Variants in ICE2 observed in about 807,000 individuals in gnomAD.
ICE2 encodes the protein little elongation complex subunit 2.
ICE2 carries 87 observed loss-of-function variants against 105.4 expected under a neutral mutation model. The observed-to-expected ratio is 0.83, with a 90% CI of 0.69 to 0.99. ICE2 has a LOEUF of 0.99. ICE2 is among the 50% of genes least tolerant of loss of function. The pLI is 0.00. For synonymous variants in ICE2, 399 were observed against 392.0 expected, an observed-to-expected ratio of 1.02 and a Z score of -0.21; for missense variants, 1,323 against 1,146.7, an observed-to-expected ratio of 1.15 and a Z score of -2.22.
intron 5 of ICE2, among the ~76,000 whole-genome samples, chr15:60,459,577 G>T (rs17191421): frequency 0.25 from 37,386 of 151,994 alleles, 4,938 homozygotes; most frequent in Middle Eastern, 0.45. Flanking sequence ...GAGAAGAAAC[G>T]GTGGGCCAAA....
At chr15:60,431,809 C>A in intron 14 of ICE2, 125 bp downstream of exon 14, 2 of 529,704 alleles carry the variant, frequency 3.8e-6, no homozygotes, top group South Asian at 2.2e-5. Context: ...TTACATTTGA[C>A]ATAATAATTT....
intron 1 of ICE2, chr15:60,478,696 AC>A (rs1460333241): frequency 3.0e-6 from 1 of 338,534 alleles, no homozygotes; most frequent in East Asian, 8.7e-5. Context: ...TCGACACCGA[AC>A]GGGCCCGACC....
intron 5 of ICE2, among the ~76,000 whole-genome samples, chr15:60,463,420 G>A (rs2064334118): frequency 6.6e-6 from 1 of 152,054 alleles, no homozygotes; most frequent in Admixed American, 6.6e-5. Flanking sequence ...GAATCAAAAA[G>A]CACAATACTG....
chr15:60,448,812 T>C, intron 10 of ICE2, 36 bp downstream of exon 10: 3 of 1,525,114 alleles, frequency 2.0e-6, no homozygotes, highest in Non-Finnish European at 1.8e-6. Flanking sequence ...AAAGAACAAG[T>C]AAAACACTGT....
intron 15 of ICE2, 36 bp from the exon 16 acceptor site, chr15:60,423,798 T>C: frequency 6.6e-7 from 1 of 1,525,610 alleles, no homozygotes; most frequent in South Asian, 1.3e-5. Context: ...TAGCTTAATG[T>C]ATCTACAACA....
chr15:60,479,060 C>G lies in ICE2; in HGVS notation c.-150G>C, dbSNP rs2064859586. ...CAGCCACACACCACACACGCTCCAC[C>G]CCACTCCTCACATTGTCGCGCGCGC... is the stretch of plus-strand genomic sequence containing the variant. On this transcript the variant is annotated 5_prime_UTR_variant, in exon 1 of 16. Transcript: ENST00000261520. The G allele has an allele frequency of 2.2e-6, 1 of 454,610 alleles. No homozygotes were observed. Among genetic ancestry groups the G allele is most frequent in the Non-Finnish European group, 4.4e-6 (1 of 225,836 alleles). The allele number at this position is 454,610 out of a possible 1,614,324, so 28.2% of individuals were successfully genotyped here. A position where few individuals can be genotyped will look rare whatever the true frequency, so the allele number is the denominator to read the frequency against.
chr15:60,470,563 A>G (rs966292414), intron 3 of ICE2, among the ~76,000 whole-genome samples: 2 of 152,168 alleles, frequency 1.3e-5, no homozygotes, highest in Admixed American at 6.5e-5. Context: ...CCAGGTACAA[A>G]TAAGTCTAGT....
intron 11 of ICE2, among the ~76,000 whole-genome samples, chr15:60,446,117 CCAAA>C (rs1308803831): frequency 1.3e-5 from 2 of 152,020 alleles, no homozygotes; most frequent in Non-Finnish European, 2.9e-5. Context: ...AGCACTAAAA[CCAAA>C]CAGTTTTCAA....
chr15:60,432,371 G>A (rs2063481662), intron 13 of ICE2, among the ~76,000 whole-genome samples: 1 of 151,342 alleles, frequency 6.6e-6, no homozygotes. Flanking sequence ...TGTATTTTTG[G>A]TAGAGACAGG....
At chr15:60,477,883 C>T (rs2064810042) in intron 2 of ICE2, 54 bp downstream of exon 2, 1 of 1,421,306 alleles carries the variant, frequency 7.0e-7, no homozygotes, top group Non-Finnish European at 1.0e-6. Context: ...CTTATGTCAA[C>T]CATCAGCCCC....
rs1426093191 is a variant in ICE2, at chr15:60,422,085, A to G, written c.*1549T>C. The G allele has an allele frequency of 6.6e-6, 1 of 151,908 alleles. No individual in the cohort carries two copies. The highest frequency in any genetic ancestry group is 1.5e-5 in the Non-Finnish European group (1 of 67,994). The allele number at this position is 151,908 out of a possible 1,614,324, so 9.4% of individuals were successfully genotyped here. A position where few individuals can be genotyped will look rare whatever the true frequency, so the allele number is the denominator to read the frequency against. Reference sequence around the variant, plus strand: ...TTATATTTTACAAATGACATACATAATTTCTGAAAATTTTAGTGTAAGGGT... The same window carrying G: ...TTATATTTTACAAATGACATACATAGTTTCTGAAAATTTTAGTGTAAGGGT... On this transcript the variant is annotated 3_prime_UTR_variant, in exon 16 of 16. Transcript: ENST00000261520.
chr15:60,446,429 T>G (rs188906469), intron 11 of ICE2, among the ~76,000 whole-genome samples: 6 of 152,122 alleles, frequency 3.9e-5, no homozygotes, highest in African/African-American at 7.2e-5. Flanking sequence ...AGAGTCTCAC[T>G]CTGTTGCCCA....
intron 1 of ICE2, among the ~76,000 whole-genome samples, chr15:60,478,396 T>G (rs1428714867): frequency 6.6e-6 from 1 of 152,220 alleles, no homozygotes. Flanking sequence ...ATTCCCTTAC[T>G]GCCAAAATAA....
intron 9 of ICE2, chr15:60,453,291 C>T: frequency 1.9e-6 from 2 of 1,074,228 alleles, no homozygotes; most frequent in Non-Finnish European, 2.3e-6. Flanking sequence ...ATATTAACCA[C>T]CACCATCAAG....
intron 15 of ICE2, 96 bp downstream of exon 15, chr15:60,428,333 T>C (rs2063381083): frequency 1.5e-6 from 2 of 1,294,060 alleles, no homozygotes; most frequent in Non-Finnish European, 2.1e-6. Flanking sequence ...GTGATTAATA[T>C]GACAATGAGA....
intron 3 of ICE2, among the ~76,000 whole-genome samples, chr15:60,470,901 AC>A (rs903119662): frequency 6.6e-6 from 1 of 152,144 alleles, no homozygotes; most frequent in African/African-American, 2.4e-5. Context: ...TCTTATAAAT[AC>A]CCGTCATAAA....
intron 9 of ICE2, 40 bp from the exon 10 acceptor site, chr15:60,449,881 A>C: frequency 6.9e-7 from 1 of 1,459,254 alleles, no homozygotes; most frequent in Non-Finnish European, 9.4e-7. Context: ...TAAAAATTTC[A>C]AGCCACCCTA....
At chr15:60,431,451 G>A (rs955615017) in intron 14 of ICE2, among the ~76,000 whole-genome samples, 1 of 152,146 alleles carries the variant, frequency 6.6e-6, no homozygotes, top group Non-Finnish European at 1.5e-5. Flanking sequence ...GTGATGCGAC[G>A]CAGAGATCCA....
chr15:60,446,418 T>C (rs557822435), intron 11 of ICE2, among the ~76,000 whole-genome samples: 2 of 152,174 alleles, frequency 1.3e-5, no homozygotes, highest in African/African-American at 4.8e-5. Flanking sequence ...TTTTTTGAGA[T>C]AGAGTCTCAC....
Sources: gnomAD v4.1 joint callset for allele counts (sites outside exome capture counted in the v4.1 genomes callset) on GRCh38, gnomAD v4.1.1 for gene constraint, MANE v1.5 for transcripts, NCBI Gene and HGNC (gene_info 2026-07-23, HGNC 2026-07-21) for gene names.